The following LINC00305 variants were observed in gnomAD, a reference collection of about 807,000 sequenced individuals.
LINC00305 encodes long intergenic non-protein coding RNA 305.
At chr18:64,087,282 A>G (rs1411333822) in intron 3 of LINC00305, among the ~76,000 whole-genome samples, 1 of 152,198 alleles carries the variant, frequency 6.6e-6, no homozygotes, top group Non-Finnish European at 1.5e-5. Context: ...TTGATAGATT[A>G]TTATGCATCA....
At chr18:64,144,826 A>G (rs1325805994) in intron 1 of LINC00305, among the ~76,000 whole-genome samples, 1 of 152,210 alleles carries the variant, frequency 6.6e-6, no homozygotes, top group East Asian at 1.9e-4. Context: ...CCCCCTGCAG[A>G]GGGCCTATGA....
chr18:64,132,789 A>G (rs1422528703), intron 1 of LINC00305, among the ~76,000 whole-genome samples: 1 of 152,188 alleles, frequency 6.6e-6, no homozygotes, highest in Non-Finnish European at 1.5e-5. Flanking sequence ...CTGTGGGCAT[A>G]GCAGTGCTGG....
intron 2 of LINC00305, among the ~76,000 whole-genome samples, chr18:64,098,230 C>T (rs950215570): frequency 4.6e-5 from 7 of 152,276 alleles, no homozygotes; most frequent in South Asian, 2.1e-4. Context: ...CTAGTGCCTT[C>T]GTAAGCGATT....
At chr18:64,141,684 C>A (rs537904600) in intron 1 of LINC00305, among the ~76,000 whole-genome samples, 1 of 152,196 alleles carries the variant, frequency 6.6e-6, no homozygotes. Flanking sequence ...GATAACTCAA[C>A]TCTCTTGTAT....
intron 3 of LINC00305, among the ~76,000 whole-genome samples, chr18:64,091,944 G>C (rs2051226364): frequency 6.6e-6 from 1 of 152,182 alleles, no homozygotes. Flanking sequence ...TGCCCTGATA[G>C]TGGTATTTAT....
chr18:64,115,487 G>A (rs2051333576), intron 1 of LINC00305, among the ~76,000 whole-genome samples: 1 of 152,104 alleles, frequency 6.6e-6, no homozygotes, highest in Non-Finnish European at 1.5e-5. Context: ...GGCTGCTTAT[G>A]GGGGTAAGGT....
intron 1 of LINC00305, among the ~76,000 whole-genome samples, chr18:64,119,339 T>A (rs1216833864): frequency 6.6e-6 from 1 of 152,108 alleles, no homozygotes; most frequent in Non-Finnish European, 1.5e-5. Flanking sequence ...CATTTAGAAG[T>A]GATTAAATAG....
chr18:64,110,959 G>A (rs1327857076), intron 1 of LINC00305, among the ~76,000 whole-genome samples: 1 of 152,184 alleles, frequency 6.6e-6, no homozygotes, highest in Non-Finnish European at 1.5e-5. Flanking sequence ...GGTGACTGGA[G>A]TGTTTTTCTA....
At chr18:64,082,259 T>TGATG (rs944739423) in intron 3 of LINC00305, among the ~76,000 whole-genome samples, 9 of 151,226 alleles carry the variant, frequency 6.0e-5, no homozygotes, top group African/African-American at 2.2e-4. Flanking sequence ...CCACCTAGAC[T>TGATG]GGTAATCTGG....
intron 1 of LINC00305, among the ~76,000 whole-genome samples, chr18:64,141,033 C>A (rs1027503950): frequency 7.8e-6 from 1 of 128,876 alleles, no homozygotes; most frequent in Non-Finnish European, 1.6e-5. Context: ...CAAATTCTGC[C>A]GATAATCAGC....
intron 1 of LINC00305, among the ~76,000 whole-genome samples, chr18:64,138,939 A>G (rs1410703718): frequency 6.6e-6 from 1 of 152,234 alleles, no homozygotes; most frequent in Admixed American, 6.5e-5. Flanking sequence ...TGCGGGGCAC[A>G]GCCGATAACC....
At chr18:64,101,798 T>C (rs1049480294) in intron 1 of LINC00305, among the ~76,000 whole-genome samples, 2 of 152,160 alleles carry the variant, frequency 1.3e-5, no homozygotes, top group African/African-American at 4.8e-5. Flanking sequence ...AAACCAAATT[T>C]ACAGGATCAG....
At chr18:64,123,883 G>T (rs2051373156) in intron 1 of LINC00305, among the ~76,000 whole-genome samples, 1 of 151,958 alleles carries the variant, frequency 6.6e-6, no homozygotes, top group African/African-American at 2.4e-5. Context: ...CTGTTAAAAA[G>T]ATCCTGACAG....
intron 2 of LINC00305, among the ~76,000 whole-genome samples, chr18:64,098,426 C>A (rs1227384236): frequency 6.6e-6 from 1 of 152,102 alleles, no homozygotes; most frequent in Non-Finnish European, 1.5e-5. Flanking sequence ...GGCTTTACAT[C>A]TTGAAACAGA....
chr18:64,121,309 G>C (rs768296251), intron 1 of LINC00305, among the ~76,000 whole-genome samples: 1 of 151,848 alleles, frequency 6.6e-6, no homozygotes, highest in Non-Finnish European at 1.5e-5. Flanking sequence ...AATAACGTAC[G>C]CTGTACCCCA....
chr18:64,124,909 C>T (rs1452376592), intron 1 of LINC00305, among the ~76,000 whole-genome samples: 3 of 152,060 alleles, frequency 2.0e-5, no homozygotes, highest in Non-Finnish European at 2.9e-5. Flanking sequence ...AAGTCTAACA[C>T]CAAATTCAAT....
At chr18:64,139,889 T>C (rs964709358) in intron 1 of LINC00305, among the ~76,000 whole-genome samples, 1 of 152,156 alleles carries the variant, frequency 6.6e-6, no homozygotes, top group Non-Finnish European at 1.5e-5. Context: ...CAACCCGTCT[T>C]ACTCAGAATA....
chr18:64,115,806 T>C (rs2051335037), intron 1 of LINC00305, among the ~76,000 whole-genome samples: 1 of 152,178 alleles, frequency 6.6e-6, no homozygotes, highest in Admixed American at 6.5e-5. Flanking sequence ...AAAAGCTTCT[T>C]GCCAGTTTTG....
chr18:64,092,119 C>A (rs373636406), intron 3 of LINC00305, among the ~76,000 whole-genome samples: 4 of 152,324 alleles, frequency 2.6e-5, no homozygotes, highest in Admixed American at 1.3e-4. Flanking sequence ...ACCTATGTCA[C>A]CTCCTTTGGC....
Sources: gnomAD v4.1 joint callset for allele counts (sites outside exome capture counted in the v4.1 genomes callset) on GRCh38, gnomAD v4.1.1 for gene constraint, MANE v1.5 for transcripts, NCBI Gene and HGNC (gene_info 2026-07-23, HGNC 2026-07-21) for gene names.